The following RBFOX1 variants were observed in gnomAD, a reference collection of about 807,000 sequenced individuals.
The protein encoded by RBFOX1 is RNA binding fox-1 homolog 1, also known as RNA binding protein fox-1 homolog 1.
Under a neutral mutation model 57.7 loss-of-function variants are expected in RBFOX1, and 8 were observed. The observed-to-expected ratio is 0.14, with a 90% confidence interval of 0.08 to 0.25. The LOEUF (loss-of-function observed/expected upper bound fraction) is 0.25. Among genes scored for constraint, RBFOX1 ranks in the 10% least tolerant of loss-of-function variants. The pLI, the probability that RBFOX1 is intolerant of heterozygous loss-of-function variation, is 1.00. For missense variants in RBFOX1, 611 were observed against 548.5 expected, an observed-to-expected ratio of 1.11 and a Z score of -1.14; for synonymous variants, 326 against 222.4, an observed-to-expected ratio of 1.47 and a Z score of -4.15.
At chr16:6,516,143 T>C (rs42491) in intron 2 of RBFOX1, among the ~76,000 whole-genome samples, 150,355 of 152,304 alleles carry the variant, frequency 0.99, 74,308 homozygotes, top group Middle Eastern at 1. Context: ...GTTCTTCTGC[T>C]TCAGCCTCCC....
At chr16:5,432,435 G>C (rs112430209) in intron 1 of RBFOX1, among the ~76,000 whole-genome samples, 3 of 151,800 alleles carry the variant, frequency 2.0e-5, no homozygotes, top group African/African-American at 7.3e-5. Flanking sequence ...TTTATTGTCC[G>C]TCATTATCCC....
chr16:7,647,485 C>A (rs147492338), intron 11 of RBFOX1, among the ~76,000 whole-genome samples: 336 of 152,066 alleles, frequency 2.2e-3, no homozygotes, highest in African/African-American at 7.7e-3. Context: ...CAACCTGCGT[C>A]CTTTCCATTG....
At chr16:6,493,716 A>T (rs2095689566) in intron 2 of RBFOX1, among the ~76,000 whole-genome samples, 2 of 152,336 alleles carry the variant, frequency 1.3e-5, no homozygotes, top group South Asian at 4.1e-4. Context: ...TGGGAGATTC[A>T]GCTGGCCTGA....
chr16:6,523,060 G>A (rs184654042), intron 2 of RBFOX1, among the ~76,000 whole-genome samples: 17 of 152,196 alleles, frequency 1.1e-4, no homozygotes, highest in Admixed American at 2.6e-4. Context: ...CATTTAATAC[G>A]TTTATTCATA....
chr16:7,411,407 C>G (rs1351322065), intron 4 of RBFOX1, among the ~76,000 whole-genome samples: 1 of 152,140 alleles, frequency 6.6e-6, no homozygotes, highest in Non-Finnish European at 1.5e-5. Context: ...CTAAATTTCA[C>G]CCGGTCTTTC....
At chr16:7,560,630 C>T (rs957163993) in intron 5 of RBFOX1, among the ~76,000 whole-genome samples, 6 of 151,776 alleles carry the variant, frequency 4.0e-5, no homozygotes, top group East Asian at 1.9e-4. Context: ...AAAGAGGGGG[C>T]GAGTGTCATC....
intron 4 of RBFOX1, among the ~76,000 whole-genome samples, chr16:7,306,381 G>T (rs562595328): frequency 6.6e-6 from 1 of 152,126 alleles, no homozygotes; most frequent in African/African-American, 2.4e-5. Context: ...GGAAAGGGGA[G>T]GCTTGAAGAA....
chr16:7,710,670 T>C lies in RBFOX1; in HGVS notation c.1119T>C (p.Asp373=). ...LTDAKTRSHA[D]DVGLVLSSLQ... ...ATGCCAAGACTAGGAGCCATGCTGA[T>C]GATGTGGGTCTCGTTCTTTCTTCAT... The change falls in exon 16 of 16, where the codon GAT becomes GAC. Residue 373 remains aspartate, a synonymous_variant. Transcript: ENST00000550418. The C allele has an allele frequency of 1.2e-6, 2 of 1,613,742 alleles. No individual in the cohort carries two copies. The highest frequency in any genetic ancestry group is 1.7e-6 in the Non-Finnish European group (2 of 1,179,790).
rs186337877 is a variant in RBFOX1, at chr16:6,604,963, C to G, written c.-63-49640C>G. ...CAGCCTGGGCGACATGGCAAAACCT[C>G]ATCTTTACCAAAAAAAGTAAAATAA... On this transcript the variant is annotated intron_variant, in intron 2 of 15. Transcript: ENST00000550418. Among the ~76,000 whole-genome samples, 204 of 151,956 alleles carry G rather than the reference C, an allele frequency of 1.3e-3. 1 individual carries two copies. Among genetic ancestry groups the G allele is most frequent in the African/African-American group, 4.6e-3 (192 of 41,448 alleles).
At chr16:7,064,360 G>C (rs928113840) in intron 4 of RBFOX1, among the ~76,000 whole-genome samples, 1 of 151,950 alleles carries the variant, frequency 6.6e-6, no homozygotes, top group Admixed American at 6.6e-5. Context: ...GTAGAGATGG[G>C]GTTTCACCAT....
intron 4 of RBFOX1, among the ~76,000 whole-genome samples, chr16:7,310,945 G>A (rs950657276): frequency 2.0e-5 from 3 of 152,140 alleles, no homozygotes; most frequent in Admixed American, 6.5e-5. Flanking sequence ...GCAGTACAAC[G>A]CTTTGGAAAA....
At chr16:5,928,552 G>A (rs1433205243) in intron 4 of RBFOX1, among the ~76,000 whole-genome samples, 1 of 151,916 alleles carries the variant, frequency 6.6e-6, no homozygotes, top group African/African-American at 2.4e-5. Context: ...AAATAAAATT[G>A]TTATGTTAGG....
intron 1 of RBFOX1, among the ~76,000 whole-genome samples, chr16:6,268,770 A>G (rs1313118594): frequency 6.6e-6 from 1 of 152,188 alleles, no homozygotes; most frequent in Non-Finnish European, 1.5e-5. Context: ...ATAATTAAAA[A>G]TAGTTATAAG....
At chr16:7,663,503 G>A (rs1444468233) in intron 12 of RBFOX1, among the ~76,000 whole-genome samples, 1 of 133,972 alleles carries the variant, frequency 7.5e-6, no homozygotes, top group Non-Finnish European at 1.6e-5. Context: ...TGTCAGTACA[G>A]CGTGTGTGTG....
chr16:7,453,862 G>A (rs1045557612), intron 4 of RBFOX1, among the ~76,000 whole-genome samples: 6 of 152,172 alleles, frequency 3.9e-5, no homozygotes, highest in Non-Finnish European at 8.8e-5. Flanking sequence ...TCTAAACAGA[G>A]TCTTCACCAA....
intron 4 of RBFOX1, among the ~76,000 whole-genome samples, chr16:7,263,142 CATGCTTT>C (rs551118085): frequency 5.5e-4 from 84 of 152,150 alleles, no homozygotes; most frequent in Non-Finnish European, 9.8e-4. Context: ...TGCTATTGTG[CATGCTTT>C]ATATTATGTG....
intron 1 of RBFOX1, chr16:6,059,266 G>A (rs1440979801): frequency 6.6e-6 from 1 of 152,134 alleles, no homozygotes; most frequent in East Asian, 1.9e-4. Context: ...GAGCAATTCT[G>A]ATTTCTTCCC....
rs541099967 is a variant in RBFOX1 at position 6,957,899 on chromosome 16, C to T, written c.-15-94158C>T. ...AGTCAGAGCCCTTAAATGGCCCCTC[C>T]CTTTTCCATGCAGGACATCTGTGAC... On this transcript the variant is annotated intron_variant, in intron 3 of 15. Transcript: ENST00000550418. Among the ~76,000 whole-genome samples the T allele has an allele frequency of 8.9e-4, 135 of 152,266 alleles. 1 individual carries two copies. Among genetic ancestry groups the T allele is most frequent in the Middle Eastern group, 3.4e-3 (1 of 294 alleles).
chr16:6,934,915 G>T (rs2077123362), intron 3 of RBFOX1, among the ~76,000 whole-genome samples: 1 of 151,964 alleles, frequency 6.6e-6, no homozygotes, highest in Admixed American at 6.6e-5. Context: ...GTGAAACCCT[G>T]TCTCTACCAA....
Sources: allele counts gnomAD v4.1 joint callset (sites outside exome capture counted in the v4.1 genomes callset), GRCh38; gene constraint gnomAD v4.1.1; transcripts MANE v1.5; gene names NCBI Gene and HGNC (gene_info 2026-07-23, HGNC 2026-07-21).